ZNF718: variants seen among roughly 807,000 people sequenced by gnomAD.
ZNF718 encodes zinc finger protein 718.
Under a neutral mutation model 2.6 loss-of-function variants are expected in ZNF718, and 3 were observed. That is an observed-to-expected ratio of 1.16 (90% CI 0.53 to 3.01). The LOEUF (loss-of-function observed/expected upper bound fraction) is 3.01, where lower values mean the gene tolerates loss of function less well. Among genes scored for constraint, ZNF718 ranks in the 30% most tolerant of loss-of-function variants. ZNF718 has a pLI of 0.03. For missense variants in ZNF718, 468 were observed against 230.0 expected (o/e 2.03, Z -6.69); for synonymous variants, 135 against 77.9 (o/e 1.73, Z -3.86).
chr4:156,358 A>C (rs1375769075), intron 3 of ZNF718, among the ~76,000 whole-genome samples: 1 of 152,196 alleles, frequency 6.6e-6, no homozygotes, highest in Non-Finnish European at 1.5e-5. Flanking sequence ...TGTCATTGAA[A>C]TACTTCTAAT....
chr4:125,350 T>C (rs1715159798), intron 1 of ZNF718: 2 of 152,486 alleles, frequency 1.3e-5, no homozygotes, highest in African/African-American at 4.8e-5. Context: ...CGTCCCTGGT[T>C]TGTAGGCAGG....
chr4:137,511 T>C (rs1483515781), intron 3 of ZNF718, among the ~76,000 whole-genome samples: 2 of 152,168 alleles, frequency 1.3e-5, no homozygotes, highest in Non-Finnish European at 2.9e-5. Context: ...TTGTTGACAT[T>C]TGTTATTTTT....
intron 3 of ZNF718, among the ~76,000 whole-genome samples, chr4:172,241 T>C (rs939234662): frequency 5.3e-5 from 8 of 152,210 alleles, no homozygotes; most frequent in African/African-American, 1.7e-4. Flanking sequence ...GTCTGGCTTA[T>C]TTCACTTGGC....
intron 3 of ZNF718, among the ~76,000 whole-genome samples, chr4:139,086 T>G (rs148004990): frequency 1.9e-3 from 297 of 152,310 alleles, no homozygotes; most frequent in Middle Eastern, 3.4e-3. Context: ...TCTCTTCACT[T>G]TGTTGATTGT....
downstream of ZNF718, among the ~76,000 whole-genome samples, chr4:166,351 T>C (rs578151525): frequency 3.9e-4 from 59 of 152,340 alleles, no homozygotes; most frequent in African/African-American, 1.4e-3. Flanking sequence ...TTATAATCCT[T>C]TGGGTATATA....
rs1553815510 is a variant in ZNF718, at chr4:161,985, C to T, written c.1300C>T (p.Gln434Ter). Residue 434 changes from glutamine to a stop codon, truncating the protein, a stop_gained, in exon 4 of 4, where the codon CAG becomes TAG. Coordinates refer to ENST00000510175, the MANE Select transcript of ZNF718 (RefSeq NM_001039127.6). LOFTEE classifies it low-confidence loss of function (END_TRUNC). ...ICKQCGKAFK[Q>*]SSHLNKHKKI... is the part of the protein sequence containing the mutation. The stretch of plus-strand genomic sequence containing the variant: ...TAAACAATGTGGCAAAGCCTTTAAA[C>T]AGTCCTCACACTTGAATAAACATAA... 2.6e-6 allele frequency: 2 copies of T among 779,886 alleles called. No individual in the cohort carries two copies. 48.3% of individuals were successfully genotyped at this position (779,886 alleles called of 1,614,324 possible).
At chr4:135,700 A>G (rs573230618) in intron 3 of ZNF718, among the ~76,000 whole-genome samples, 2 of 134,358 alleles carry the variant, frequency 1.5e-5, no homozygotes, top group East Asian at 2.3e-4. Flanking sequence ...TAATGAATGC[A>G]TTTATTGAGT....
At chr4:182,399 G>T (rs797041812) in intron 3 of ZNF718, among the ~76,000 whole-genome samples, 46 of 145,728 alleles carry the variant, frequency 3.2e-4, no homozygotes, top group African/African-American at 1.0e-3. Flanking sequence ...TTTTGATTTT[G>T]ATTTATATTT....
chr4:176,916 C>T (rs1231261083), intron 3 of ZNF718, among the ~76,000 whole-genome samples: 1 of 152,180 alleles, frequency 6.6e-6, no homozygotes, highest in African/African-American at 2.4e-5. Flanking sequence ...CTGACCTCAA[C>T]TCTTTCTGCA....
chr4:140,876 T>C (rs1715782422), intron 3 of ZNF718, among the ~76,000 whole-genome samples: 1 of 152,242 alleles, frequency 6.6e-6, no homozygotes, highest in South Asian at 2.1e-4. Flanking sequence ...CTAAACAAGC[T>C]AGCTTTAAAA....
At chr4:158,840 T>C (rs1302591886) in intron 3 of ZNF718, among the ~76,000 whole-genome samples, 1 of 151,550 alleles carries the variant, frequency 6.6e-6, no homozygotes, top group Non-Finnish European at 1.5e-5. Flanking sequence ...CATATGATTA[T>C]GTTTTGTTTT....
intron 3 of ZNF718, among the ~76,000 whole-genome samples, chr4:147,278 C>A (rs781813789): frequency 1.3e-5 from 2 of 152,098 alleles, no homozygotes; most frequent in African/African-American, 2.4e-5. Flanking sequence ...TTTTAGTTTC[C>A]TTTGGTGGTG....
At chr4:159,659 A>G (rs1716738473) in intron 3 of ZNF718, among the ~76,000 whole-genome samples, 1 of 151,802 alleles carries the variant, frequency 6.6e-6, no homozygotes, top group African/African-American at 2.4e-5. Flanking sequence ...TTATATTTTT[A>G]ATGTTTTCAT....
downstream of ZNF718, among the ~76,000 whole-genome samples, chr4:167,759 G>A (rs370277271): frequency 1.1e-3 from 163 of 152,192 alleles, 1 homozygote; most frequent in South Asian, 3.5e-3. Flanking sequence ...GGCCTGAGAC[G>A]ATGGGGTTTT....
chr4:187,065 G>A (rs1717580119), intron 3 of ZNF718, among the ~76,000 whole-genome samples: 1 of 152,126 alleles, frequency 6.6e-6, no homozygotes, highest in Admixed American at 6.5e-5. Context: ...TCAGGTTGCT[G>A]ACCTTTGGAT....
At chr4:154,902 A>C (rs1560118637) in intron 3 of ZNF718, among the ~76,000 whole-genome samples, 1 of 152,218 alleles carries the variant, frequency 6.6e-6, no homozygotes, top group Non-Finnish European at 1.5e-5. Flanking sequence ...CTCCCATCAC[A>C]GGCCCAGAGG....
At chr4:199,385 T>G (rs1717855332) in intron 3 of ZNF718, among the ~76,000 whole-genome samples, 1 of 152,224 alleles carries the variant, frequency 6.6e-6, no homozygotes, top group Non-Finnish European at 1.5e-5. Flanking sequence ...TCAATTTCCT[T>G]GCATCCTAAC....
chr4:192,694 A>T (rs752362320), intron 3 of ZNF718, among the ~76,000 whole-genome samples: 4 of 152,212 alleles, frequency 2.6e-5, no homozygotes, highest in African/African-American at 9.7e-5. Context: ...ACATCAGAGC[A>T]GGGGCTAGCA....
chr4:190,900 G>A (rs1040571870), intron 3 of ZNF718, among the ~76,000 whole-genome samples: 1 of 151,878 alleles, frequency 6.6e-6, no homozygotes, highest in African/African-American at 2.4e-5. Flanking sequence ...TTAGCTGGGC[G>A]TGGTTGTGGG....
Sources: allele counts gnomAD v4.1 joint callset (sites outside exome capture counted in the v4.1 genomes callset), GRCh38; gene constraint gnomAD v4.1.1; transcripts MANE v1.5; gene names NCBI Gene and HGNC (gene_info 2026-07-23, HGNC 2026-07-21).